CNTN1: variants seen among roughly 807,000 people sequenced by gnomAD.
The protein encoded by CNTN1 is contactin 1.
Under a neutral mutation model 126.4 loss-of-function variants are expected in CNTN1, and 38 were observed. That is an observed-to-expected ratio of 0.30 (90% confidence interval 0.23 to 0.39). The LOEUF is 0.39. Ranked by LOEUF, CNTN1 falls within the 10% of genes least tolerant of loss-of-function variation. CNTN1 has a pLI of 1.00. For missense variants in CNTN1, 1,009 were observed against 1,248.4 expected, an observed-to-expected ratio of 0.81 and a Z score of 2.89; for synonymous variants, 413 against 422.6, an observed-to-expected ratio of 0.98 and a Z score of 0.28.
intron 1 of CNTN1, among the ~76,000 whole-genome samples, chr12:40,741,007 C>A (rs1326465308): frequency 6.6e-6 from 1 of 151,998 alleles, no homozygotes; most frequent in African/African-American, 2.4e-5. Context: ...ACTAATACCC[C>A]TCCTATACAC....
At chr12:40,937,486 TG>T (rs1946120152) in intron 10 of CNTN1, 83 bp from the exon 11 acceptor site, 1 of 904,196 alleles carries the variant, frequency 1.1e-6, no homozygotes, top group Admixed American at 1.7e-5. Flanking sequence ...TGTATCTAAA[TG>T]AAAAGACAAC....
intron 13 of CNTN1, 24 bp downstream of exon 13, chr12:40,943,748 TA>T: frequency 3.7e-6 from 6 of 1,610,434 alleles, no homozygotes; most frequent in Non-Finnish European, 4.2e-6. Flanking sequence ...TGAGGGTGCT[TA>T]ATTTCTAATG....
In CNTN1 at chr12:40,715,885, G is replaced by A. The variant is rs551215853; in HGVS notation, c.-77+23293G>A. Among the ~76,000 whole-genome samples the A allele has an allele frequency of 2.0e-5, 3 of 152,158 alleles. No individual in the cohort carries two copies. The East Asian group carries it at 5.8e-4, about 29-fold the overall frequency. ...GTAACTTTAACAATACTGATCTGAT[G>A]CCTGGACACCACCATTCAGACATTC... On this transcript the variant is annotated intron_variant, in intron 1 of 23. Coordinates refer to ENST00000551295, the MANE Select transcript of CNTN1 (RefSeq NM_001843.4).
intron 1 of CNTN1, among the ~76,000 whole-genome samples, chr12:40,901,210 C>G (rs1404192298): frequency 1.3e-5 from 2 of 152,110 alleles, no homozygotes; most frequent in Non-Finnish European, 2.9e-5. Flanking sequence ...TCCTTTTATT[C>G]TAGACACATT....
intron 6 of CNTN1, among the ~76,000 whole-genome samples, chr12:40,925,547 G>A (rs76999718): frequency 6.8e-5 from 7 of 102,430 alleles, no homozygotes; most frequent in Admixed American, 9.4e-5. Context: ...GTGTGTGTGT[G>A]TATATATATA....
intron 20 of CNTN1, among the ~76,000 whole-genome samples, chr12:41,020,992 T>C (rs1444631411): frequency 1.3e-5 from 2 of 152,214 alleles, no homozygotes; most frequent in Non-Finnish European, 2.9e-5. Context: ...AAACTTGTCT[T>C]AGTCAAGGGA....
chr12:40,839,665 G>A (rs1332414659), intron 1 of CNTN1, among the ~76,000 whole-genome samples: 1 of 152,136 alleles, frequency 6.6e-6, no homozygotes, highest in Non-Finnish European at 1.5e-5. Context: ...GCTATATCCA[G>A]CAAAATTATC....
At chr12:40,826,758 T>C (rs1003272950) in intron 1 of CNTN1, among the ~76,000 whole-genome samples, 2 of 152,208 alleles carry the variant, frequency 1.3e-5, no homozygotes, top group East Asian at 3.8e-4. Flanking sequence ...TGGCAAACTT[T>C]GGTTTAACTC....
chr12:40,826,121 T>G (rs1342593544), intron 1 of CNTN1, among the ~76,000 whole-genome samples: 3 of 152,178 alleles, frequency 2.0e-5, no homozygotes, highest in Non-Finnish European at 4.4e-5. Flanking sequence ...ATTCTTACAT[T>G]TGTAATTATC....
At chr12:40,860,009 C>T (rs312284) in intron 1 of CNTN1, among the ~76,000 whole-genome samples, 105,097 of 151,952 alleles carry the variant, frequency 0.69, 37,029 homozygotes, top group African/African-American at 0.84. Context: ...AAATAGAACA[C>T]CCATTATCTT....
At chr12:40,882,768 G>T (rs1049783727) in intron 1 of CNTN1, among the ~76,000 whole-genome samples, 1 of 151,526 alleles carries the variant, frequency 6.6e-6, no homozygotes, top group Non-Finnish European at 1.5e-5. Flanking sequence ...GTCTCCTATT[G>T]TAATGCTTTG....
intron 1 of CNTN1, among the ~76,000 whole-genome samples, chr12:40,732,089 T>A (rs1475312111): frequency 6.6e-6 from 1 of 151,992 alleles, no homozygotes; most frequent in Non-Finnish European, 1.5e-5. Flanking sequence ...AATGTTAAAT[T>A]GCAAATGAGA....
At chr12:40,796,969 A>T (rs1287014880) in intron 1 of CNTN1, among the ~76,000 whole-genome samples, 1 of 152,066 alleles carries the variant, frequency 6.6e-6, no homozygotes, top group Non-Finnish European at 1.5e-5. Flanking sequence ...TTGAGTATAA[A>T]CTAATTATTT....
intron 1 of CNTN1, among the ~76,000 whole-genome samples, chr12:40,856,118 C>T (rs1942897610): frequency 6.6e-6 from 1 of 151,962 alleles, no homozygotes; most frequent in African/African-American, 2.4e-5. Flanking sequence ...AAAGTAGAGC[C>T]TGCACTTGTG....
chr12:40,952,872 T>G (rs868087936), intron 14 of CNTN1, among the ~76,000 whole-genome samples: 1 of 152,190 alleles, frequency 6.6e-6, no homozygotes, highest in Non-Finnish European at 1.5e-5. Context: ...TATTTAATAA[T>G]TTTTATGTTT....
intron 14 of CNTN1, among the ~76,000 whole-genome samples, chr12:40,955,744 C>T (rs558683576): frequency 3.3e-5 from 5 of 152,058 alleles, no homozygotes; most frequent in South Asian, 2.1e-4. Context: ...AACAGTGACA[C>T]GATTACGGTA....
intron 1 of CNTN1, among the ~76,000 whole-genome samples, chr12:40,829,453 G>A (rs1026885510): frequency 6.6e-6 from 1 of 151,666 alleles, no homozygotes; most frequent in African/African-American, 2.4e-5. Flanking sequence ...TCAAGACCAA[G>A]AATAGATAAG....
At chr12:40,917,530 C>T (rs182413744) in intron 3 of CNTN1, among the ~76,000 whole-genome samples, 3 of 152,270 alleles carry the variant, frequency 2.0e-5, no homozygotes, top group African/African-American at 7.2e-5. Flanking sequence ...ACAGCACTCT[C>T]ATCTTCAAGT....
chr12:40,692,765 C>A (rs1327430450), intron 1 of CNTN1, among the ~76,000 whole-genome samples, 173 bp downstream of exon 1: 1 of 152,190 alleles, frequency 6.6e-6, no homozygotes, highest in East Asian at 1.9e-4. Flanking sequence ...GGCTGGGGTG[C>A]GGGGAAGCAG....
Sources: allele counts gnomAD v4.1 joint callset (sites outside exome capture counted in the v4.1 genomes callset), GRCh38; gene constraint gnomAD v4.1.1; transcripts MANE v1.5; gene names NCBI Gene and HGNC (gene_info 2026-07-23, HGNC 2026-07-21).